The following FAT3 variants were observed in gnomAD, a reference collection of about 807,000 sequenced individuals.
The protein encoded by FAT3 is protocadherin Fat 3.
A neutral mutation model predicts 310.2 loss-of-function variants in FAT3; 95 were observed. The ratio of observed to expected loss-of-function variants is 0.31; its 90% CI spans 0.26 to 0.36. The LOEUF is 0.36. FAT3 is among the 10% of genes least tolerant of loss of function. FAT3 has a pLI of 1.00. For missense variants in FAT3, 5,408 were observed against 5,715.6 expected (o/e 0.95, Z 1.74); for synonymous variants, 2,314 against 2,192.9 (o/e 1.06, Z -1.54).
intron 2 of FAT3, among the ~76,000 whole-genome samples, chr11:92,487,574 C>T (rs901936407): frequency 2.0e-5 from 3 of 152,112 alleles, no homozygotes; most frequent in Non-Finnish European, 4.4e-5. Context: ...ACCCTAAACT[C>T]TAAAAAGTAG....
At chr11:92,253,663 G>T (rs965629152) in intron 1 of FAT3, among the ~76,000 whole-genome samples, 2 of 152,102 alleles carry the variant, frequency 1.3e-5, no homozygotes, top group Non-Finnish European at 2.9e-5. Context: ...TTTATAGAGA[G>T]CATTTCTTCA....
At chr11:92,690,579 T>G (rs949958109) in intron 3 of FAT3, among the ~76,000 whole-genome samples, 35 of 152,182 alleles carry the variant, frequency 2.3e-4, no homozygotes, top group Admixed American at 2.0e-3. Flanking sequence ...TATATATATT[T>G]TTTTCTTTCT....
At chr11:92,608,289 G>A (rs950253405) in intron 3 of FAT3, among the ~76,000 whole-genome samples, 2 of 152,096 alleles carry the variant, frequency 1.3e-5, no homozygotes, top group African/African-American at 4.8e-5. Flanking sequence ...TTACACACAT[G>A]AGTTCTGATG....
chr11:92,511,371 CTCT>C (rs1193745409), intron 2 of FAT3, among the ~76,000 whole-genome samples: 1 of 151,970 alleles, frequency 6.6e-6, no homozygotes, highest in Non-Finnish European at 1.5e-5. Flanking sequence ...ATCTGGTTGA[CTCT>C]TCTTTTTTTT....
intron 2 of FAT3, among the ~76,000 whole-genome samples, chr11:92,385,715 T>C (rs1177240841): frequency 2.0e-5 from 3 of 152,204 alleles, no homozygotes; most frequent in Non-Finnish European, 4.4e-5. Flanking sequence ...TTTTCTTATC[T>C]GTTTTTACAT....
intron 4 of FAT3, among the ~76,000 whole-genome samples, chr11:92,706,900 C>G (rs1057031131): frequency 6.6e-6 from 1 of 152,282 alleles, no homozygotes; most frequent in African/African-American, 2.4e-5. Context: ...GAACATTGTC[C>G]GCACAGGCAT....
intron 3 of FAT3, among the ~76,000 whole-genome samples, chr11:92,563,579 GA>G (rs1955310461): frequency 6.6e-6 from 1 of 152,068 alleles, no homozygotes; most frequent in Non-Finnish European, 1.5e-5. Flanking sequence ...TTTTCACTGA[GA>G]AATTCAAGAA....
intron 2 of FAT3, among the ~76,000 whole-genome samples, chr11:92,453,071 G>A (rs1188846485): frequency 2.6e-5 from 4 of 152,108 alleles, no homozygotes; most frequent in Non-Finnish European, 5.9e-5. Context: ...TCTACACCTA[G>A]CCTGATATCC....
chr11:92,379,090 C>A (rs989963585), intron 2 of FAT3, among the ~76,000 whole-genome samples: 1 of 152,130 alleles, frequency 6.6e-6, no homozygotes, highest in Non-Finnish European at 1.5e-5. Context: ...CCCTGCCACT[C>A]CTCTCTCCAT....
chr11:92,862,487 A>T (rs1310278204), intron 21 of FAT3, among the ~76,000 whole-genome samples: 1 of 152,228 alleles, frequency 6.6e-6, no homozygotes, highest in Non-Finnish European at 1.5e-5. Flanking sequence ...ATCTATAACT[A>T]TCACACATTT....
In FAT3 at chr11:92,567,586, C is replaced by T. The variant is rs1302217985; in HGVS notation, c.3607+42638C>T. Among the ~76,000 whole-genome samples, 10 of 151,740 alleles carry T rather than the reference C, an allele frequency of 6.6e-5. No individual in the cohort carries two copies. The East Asian group carries it at 2.0e-3, about 30-fold the overall frequency. On this transcript the variant is annotated intron_variant, in intron 3 of 27. Transcript: ENST00000525166. ...ATGCTGCTATAAAGACACATGCACA[C>T]GTATGTTTATTGCGGCACTATTCAC...
Position 92,320,408 on chromosome 11 carries a change from C to T in FAT3, c.-17-31688C>T, listed in dbSNP as rs986378524. On this transcript the variant is annotated intron_variant, in intron 1 of 27. Coordinates refer to ENST00000525166, the MANE Select transcript of FAT3 (RefSeq NM_001367949.2). Reference sequence around the variant, plus strand: ...AACTAACAGTTTGGAAATGCTGGCCCATGCATTCTTTTACCAAAGGCCTAA... The same window carrying T: ...AACTAACAGTTTGGAAATGCTGGCCTATGCATTCTTTTACCAAAGGCCTAA... Among the ~76,000 whole-genome samples the T allele has an allele frequency of 8.1e-5, 12 of 148,902 alleles. No individual in the cohort carries two copies. The South Asian group carries it at 1.0e-3, about 13-fold the overall frequency.
chr11:92,857,527 G>T (rs1229840635), intron 20 of FAT3, among the ~76,000 whole-genome samples, 179 bp downstream of exon 20: 1 of 152,238 alleles, frequency 6.6e-6, no homozygotes, highest in Non-Finnish European at 1.5e-5. Context: ...TATCACAGCT[G>T]CAGCTTGTGC....
At chr11:92,478,673 G>A (rs1952113616) in intron 2 of FAT3, among the ~76,000 whole-genome samples, 1 of 151,940 alleles carries the variant, frequency 6.6e-6, no homozygotes, top group Admixed American at 6.6e-5. Context: ...CTAGAGTGCA[G>A]TGGCGTGATC....
chr11:92,766,859 C>T (rs1456927270), intron 6 of FAT3: 1 of 152,200 alleles, frequency 6.6e-6, no homozygotes, highest in Non-Finnish European at 1.5e-5. Context: ...GTACAGTCAC[C>T]TTTAATGATT....
intron 2 of FAT3, among the ~76,000 whole-genome samples, chr11:92,467,337 A>G (rs547749403): frequency 2.6e-4 from 40 of 152,294 alleles, no homozygotes; most frequent in South Asian, 4.1e-4. Context: ...AGTGATGGTG[A>G]GCATTTTTTC....
At chr11:92,846,582 G>T (rs1478939300) in intron 19 of FAT3, among the ~76,000 whole-genome samples, 2 of 152,188 alleles carry the variant, frequency 1.3e-5, no homozygotes, top group Non-Finnish European at 2.9e-5. Context: ...GGATTTAGAG[G>T]AGTGGTTTTG....
chr11:92,357,154 T>C (rs966385930), intron 2 of FAT3, among the ~76,000 whole-genome samples: 3 of 152,168 alleles, frequency 2.0e-5, no homozygotes, highest in Non-Finnish European at 4.4e-5. Flanking sequence ...GTACTAATAC[T>C]TTACTACTAA....
In FAT3 at chr11:92,836,832, T is replaced by C. The variant is rs187438818; in HGVS notation, c.10224+129T>C. ...GTAATGAGAGTAAATAAGGATGGGC[T>C]AAAATGCAGCATGAAATATTAGGGT... On this transcript the variant is annotated intron_variant, in intron 16 of 27. Transcript: ENST00000525166. 3,580 of 1,048,018 alleles carry C rather than the reference T, an allele frequency of 3.4e-3. 25 individuals are homozygous for C. The highest frequency in any genetic ancestry group is 3.0e-3 in the Non-Finnish European group (2,187 of 740,992). The allele number at this position is 1,048,018 out of a possible 1,614,324, so 64.9% of individuals were successfully genotyped here.
Sources: gnomAD v4.1 joint callset for allele counts (sites outside exome capture counted in the v4.1 genomes callset) on GRCh38, gnomAD v4.1.1 for gene constraint, MANE v1.5 for transcripts, NCBI Gene and HGNC (gene_info 2026-07-23, HGNC 2026-07-21) for gene names.